The following NOD2 variants were observed in gnomAD, a reference collection of about 807,000 sequenced individuals.
NOD2 encodes nucleotide-binding oligomerization domain-containing protein 2.
A neutral mutation model predicts 90.9 loss-of-function variants in NOD2; 86 were observed. That is an observed-to-expected ratio of 0.95 (90% confidence interval 0.79 to 1.13). The LOEUF (loss-of-function observed/expected upper bound fraction) is 1.13. NOD2 is among the 50% of genes most tolerant of loss of function. The pLI is 0.00. For synonymous variants in NOD2, 581 were observed against 554.6 expected, an observed-to-expected ratio of 1.05 and a Z score of -0.67; for missense variants, 1,238 against 1,283.8, an observed-to-expected ratio of 0.96 and a Z score of 0.55.
Position 50,712,367 on chromosome 16 carries a change from C to A in NOD2, c.2375C>A (p.Ala792Asp). Reference sequence around the variant, plus strand: ...CTGCCTTGCCTTGGTGTCTGCAAGGCTCTGTAGTGAGTGTTACTGGGCATT... The same window carrying A: ...CTGCCTTGCCTTGGTGTCTGCAAGGATCTGTAGTGAGTGTTACTGGGCATT... ...QLLPCLGVCK[A>D]LYLRDNNISD... The change falls in exon 4 of 12, where the codon GCT becomes GAT. Residue 792 changes from alanine (A) to aspartate (D), a missense_variant. Ala to Asp is a moderately radical substitution (Grantham distance 126). Around this residue, in one of 3 missense-constraint regions of NOD2, gnomAD observed 667 missense variants for 688.7 expected, o/e 0.97. Coordinates refer to ENST00000647318, the MANE Select transcript of NOD2 (RefSeq NM_001370466.1). 6.2e-7 allele frequency: 1 copy of A among 1,613,724 alleles called. No individual in the cohort carries two copies. The highest frequency in any genetic ancestry group is 8.5e-7 in the Non-Finnish European group (1 of 1,180,030).
intron 11 of NOD2, among the ~76,000 whole-genome samples, chr16:50,730,135 A>G (rs568740112): frequency 1.3e-5 from 2 of 152,202 alleles, no homozygotes; most frequent in Non-Finnish European, 2.9e-5. Flanking sequence ...TTATTCAGCA[A>G]CTTCTCTGCT....
intron 2 of NOD2, among the ~76,000 whole-genome samples, 192 bp downstream of exon 2, chr16:50,700,146 CT>C (rs1398781938): frequency 6.6e-6 from 1 of 152,150 alleles, no homozygotes; most frequent in Non-Finnish European, 1.5e-5. Flanking sequence ...TTCTTCTTTT[CT>C]TTTCTTTTTC....
intron 5 of NOD2, 58 bp from the exon 6 acceptor site, chr16:50,716,833 G>A: frequency 6.4e-7 from 1 of 1,558,394 alleles, no homozygotes; most frequent in South Asian, 1.1e-5. Context: ...CCTGGGATTT[G>A]GTGCTCACTG....
chr16:50,701,919 A>T (rs1309141326), intron 2 of NOD2, among the ~76,000 whole-genome samples: 2 of 152,200 alleles, frequency 1.3e-5, no homozygotes, highest in African/African-American at 4.8e-5. Flanking sequence ...ATTAGGAAAG[A>T]AGGAAGGCAT....
chr16:50,706,116 A>G (rs1376312959), intron 2 of NOD2, among the ~76,000 whole-genome samples: 1 of 152,230 alleles, frequency 6.6e-6, no homozygotes. Context: ...AATTAGCCAC[A>G]TGGATGGCTA....
In NOD2 at chr16:50,693,611, C is replaced by G. The variant is rs1326468915; in HGVS notation, c.-60C>G. On this transcript the variant is annotated 5_prime_UTR_variant, in exon 1 of 12. Coordinates refer to ENST00000647318, the MANE Select transcript of NOD2 (RefSeq NM_001370466.1). ...CCGCAGCCCGAGCCGGAGCCGGAGC[C>G]GGGAGTCGTGGCCCGGAGTGGGCCT... 6.5e-6 allele frequency: 1 copy of G among 152,942 alleles called. No homozygotes were observed. Among genetic ancestry groups the G allele is most frequent in the Non-Finnish European group, 1.5e-5 (1 of 68,286 alleles). 9.5% of individuals were successfully genotyped at this position (152,942 alleles called of 1,614,324 possible). A position where few individuals can be genotyped will look rare whatever the true frequency, so the allele number is the denominator to read the frequency against.
chr16:50,729,311 G>A (rs1195398954), intron 10 of NOD2, among the ~76,000 whole-genome samples: 1 of 152,154 alleles, frequency 6.6e-6, no homozygotes, highest in Non-Finnish European at 1.5e-5. Context: ...AGCAAGCAGA[G>A]TGTGGGGAGG....
chr16:50,724,262 G>T (rs187513655), intron 9 of NOD2, among the ~76,000 whole-genome samples: 1 of 152,176 alleles, frequency 6.6e-6, no homozygotes, highest in Non-Finnish European at 1.5e-5. Flanking sequence ...CTGTTGCAGG[G>T]CTTACTAGCT....
chr16:50,706,030 T>C (rs1359021646), intron 2 of NOD2, among the ~76,000 whole-genome samples: 1 of 152,170 alleles, frequency 6.6e-6, no homozygotes, highest in East Asian at 1.9e-4. Flanking sequence ...GGATAAATGA[T>C]GGCAATTGTA....
intron 5 of NOD2, 41 bp downstream of exon 5, chr16:50,716,711 C>CAT: frequency 6.3e-7 from 1 of 1,593,198 alleles, no homozygotes; most frequent in Non-Finnish European, 8.6e-7. Context: ...TCCAAGTGCC[C>CAT]TGGTCTCACC....
intron 2 of NOD2, 28 bp downstream of exon 2, chr16:50,699,982 AG>A: frequency 6.3e-7 from 1 of 1,588,984 alleles, no homozygotes; most frequent in African/African-American, 1.3e-5. Flanking sequence ...TGCATCACAG[AG>A]TTCTCAGGAA....
chr16:50,703,965 G>C (rs1371569383), intron 2 of NOD2, among the ~76,000 whole-genome samples: 1 of 152,190 alleles, frequency 6.6e-6, no homozygotes, highest in African/African-American at 2.4e-5. Flanking sequence ...ACAGTCAGTG[G>C]TAAAGTTGCC....
chr16:50,698,310 G>C (rs892550304), intron 1 of NOD2, among the ~76,000 whole-genome samples: 1 of 152,212 alleles, frequency 6.6e-6, no homozygotes, highest in African/African-American at 2.4e-5. Flanking sequence ...ACGCACAGCA[G>C]GTCACTGATG....
intron 7 of NOD2, among the ~76,000 whole-genome samples, chr16:50,721,945 G>A (rs894479553): frequency 1.3e-5 from 2 of 152,334 alleles, no homozygotes; most frequent in Admixed American, 6.5e-5. Context: ...GAGCTCAATC[G>A]ATACATACCT....
Position 50,711,118 on chromosome 16 carries a change from G to C in NOD2, c.1126G>C (p.Val376Leu). Reference protein sequence around the residue: ...RHCSPTDPTSVQTLLFNLLQG... With the variant: ...RHCSPTDPTSLQTLLFNLLQG... Reference sequence around the variant, plus strand: ...CTGCTCCCCGACCGACCCCACCTCTGTCCAGACCCTGCTCTTCAACCTTCT... The same window carrying C: ...CTGCTCCCCGACCGACCCCACCTCTCTCCAGACCCTGCTCTTCAACCTTCT... Residue 376 changes from valine (V) to leucine (L), a missense_variant, in exon 4 of 12, where the codon GTC becomes CTC. By Grantham distance (32) the Val-to-Leu change is conservative (BLOSUM62 1). This residue lies in a region of NOD2 where 567 missense variants were observed against 577.3 expected (regional missense o/e 0.98). Coordinates refer to ENST00000647318, the MANE Select transcript of NOD2 (RefSeq NM_001370466.1). 6.2e-7 allele frequency: 1 copy of C among 1,614,144 alleles called. No homozygotes were observed. Among genetic ancestry groups the C allele is most frequent in the South Asian group, 1.1e-5 (1 of 91,088 alleles).
At chr16:50,709,742 G>A (rs757548843) in intron 3 of NOD2, among the ~76,000 whole-genome samples, 14 of 152,116 alleles carry the variant, frequency 9.2e-5, no homozygotes, top group Non-Finnish European at 1.5e-4. Context: ...TGCCACGTAA[G>A]GTAACATATT....
chr16:50,722,630 GC>G lies in NOD2; in HGVS notation c.2643del (p.Asn882ThrfsTer21). 6.2e-7 allele frequency: 1 copy of G among 1,614,208 alleles called. No homozygotes were observed. The highest frequency in any genetic ancestry group is 8.5e-7 in the Non-Finnish European group (1 of 1,180,016). On this transcript the variant is annotated frameshift_variant, in exon 8 of 12. Coordinates refer to ENST00000647318, the MANE Select transcript of NOD2 (RefSeq NM_001370466.1). LOFTEE classifies it high-confidence loss of function. The part of the protein sequence containing the change: ...NTSLQFLGFW[G>X]NRVGDEGAQA... ...TCTTTTGGCCTTTTCAGATTCTGGG[GC>G]AACAGAGTGGGTGACGAGGGGGCCC...
At chr16:50,720,119 A>T (rs778906845) in intron 7 of NOD2, 111 bp downstream of exon 7, 41 of 922,108 alleles carry the variant, frequency 4.4e-5, no homozygotes, top group African/African-American at 6.5e-5. Context: ...GCCCAGCTCC[A>T]GTGGGGAGGA....
In NOD2 at chr16:50,712,255, C is replaced by T. The variant is rs372566145; in HGVS notation, c.2263C>T (p.Leu755=). The change falls in exon 4 of 12, where the codon CTG becomes TTG. Residue 755 remains leucine (L), a synonymous_variant. Coordinates refer to ENST00000647318, the MANE Select transcript of NOD2 (RefSeq NM_001370466.1). Reference sequence around the variant, plus strand: ...TGTGGGCCCCACTGAGTGTGCTGCCCTGGCCTTTGTGCTGCAGCACCTCCG... The same window carrying T: ...TGTGGGCCCCACTGAGTGTGCTGCCTTGGCCTTTGTGCTGCAGCACCTCCG... ...CSVGPTECAA[L]AFVLQHLRRP... is the part of the protein sequence containing the mutation. The T allele has an allele frequency of 3.1e-6, 5 of 1,613,844 alleles. No homozygotes were observed. In the African/African-American group the frequency reaches 5.3e-5, roughly 17 times the overall value.
Sources: gnomAD v4.1 joint callset for allele counts (sites outside exome capture counted in the v4.1 genomes callset) on GRCh38, gnomAD v4.1.1 for gene constraint, gnomAD v4.1.1 regional missense constraint, MANE v1.5 for transcripts, NCBI Gene and HGNC (gene_info 2026-07-23, HGNC 2026-07-21) for gene names.